The following FAM47E variants were observed in gnomAD, a reference collection of about 807,000 sequenced individuals.
FAM47E encodes family with sequence similarity 47 member E.
In FAM47E, 32 loss-of-function variants were observed where a neutral mutation model predicts 41.6. That is an observed-to-expected ratio of 0.77 (90% confidence interval 0.58 to 1.03). FAM47E has a LOEUF of 1.03. FAM47E is among the 50% of genes least tolerant of loss of function. The pLI is 0.00. For missense variants in FAM47E, 424 were observed against 485.4 expected (o/e 0.87, Z 1.19); for synonymous variants, 184 against 188.7 (o/e 0.98, Z 0.20).
chr4:76,263,191 T>A (rs1734491328), intron 2 of FAM47E, among the ~76,000 whole-genome samples: 1 of 152,222 alleles, frequency 6.6e-6, no homozygotes, highest in Non-Finnish European at 1.5e-5. Flanking sequence ...TTTATACATA[T>A]CACTTTTTGA....
At chr4:76,278,002 T>A in intron 5 of FAM47E, 67 bp from the exon 6 acceptor site, 1 of 1,412,806 alleles carries the variant, frequency 7.1e-7, no homozygotes, top group Non-Finnish European at 9.2e-7. Context: ...TAAGCTAAGC[T>A]TTAGATTTTT....
At chr4:76,261,796 C>G (rs1734429131) in intron 2 of FAM47E, among the ~76,000 whole-genome samples, 2 of 151,868 alleles carry the variant, frequency 1.3e-5, no homozygotes, top group African/African-American at 2.4e-5. Flanking sequence ...TGTAACACAC[C>G]TGCACATGTA....
intron 2 of FAM47E, among the ~76,000 whole-genome samples, chr4:76,259,863 A>T (rs1200539770): frequency 6.6e-6 from 1 of 151,554 alleles, no homozygotes; most frequent in African/African-American, 2.4e-5. Flanking sequence ...GACTTCAGTA[A>T]AGTTTCAGAA....
intron 3 of FAM47E, among the ~76,000 whole-genome samples, chr4:76,266,726 T>C (rs112911371): frequency 0.012 from 1,756 of 152,310 alleles, 26 homozygotes; most frequent in African/African-American, 0.04. Flanking sequence ...AAATCCAAAG[T>C]CCTTACAACT....
At position 76,283,368 on chromosome 4, in the gene FAM47E, C is replaced by CA. The variant is rs1735441034; in HGVS notation, c.1105-12dup. The CA allele has an allele frequency of 6.6e-7, 1 of 1,505,384 alleles. No homozygotes were observed. Among genetic ancestry groups the CA allele is most frequent in the Non-Finnish European group, 9.0e-7 (1 of 1,105,882 alleles). 93.3% of individuals were successfully genotyped at this position (1,505,384 alleles called of 1,614,324 possible). On this transcript the variant is annotated splice_polypyrimidine_tract_variant and intron_variant, in intron 7 of 7. Coordinates refer to ENST00000424749, the MANE Select transcript of FAM47E (RefSeq NM_001136570.3). ...TTTGCCAATCTAATGAAGGTTCTCT[C>CA]ATTTTTTTTTAGTTCCTTGAGAATA...
chr4:76,245,766 G>C (rs1181224685), intron 2 of FAM47E, among the ~76,000 whole-genome samples: 21 of 151,880 alleles, frequency 1.4e-4, no homozygotes, highest in Admixed American at 1.4e-3. Flanking sequence ...AAAGAGTGGA[G>C]GTACAGATCT....
intron 1 of FAM47E, among the ~76,000 whole-genome samples, chr4:76,255,154 A>G (rs1560741786): frequency 6.6e-6 from 1 of 152,108 alleles, no homozygotes; most frequent in African/African-American, 2.4e-5. Context: ...ATTTTTATTT[A>G]TCATAAACTC....
chr4:76,225,830 A>ATAT (rs1733387778), intron 2 of FAM47E, among the ~76,000 whole-genome samples: 1 of 152,020 alleles, frequency 6.6e-6, no homozygotes, highest in Admixed American at 6.6e-5. Context: ...TTCATCAGGG[A>ATAT]TATTAGTCTG....
At chr4:76,248,153 A>C (rs1011550319), upstream of FAM47E, among the ~76,000 whole-genome samples, 2 of 151,890 alleles carry the variant, frequency 1.3e-5, no homozygotes, top group Non-Finnish European at 2.9e-5. Context: ...TGACATCGTG[A>C]TCCGCCCATC....
chr4:76,231,121 T>C lies in FAM47E; in HGVS notation c.81+13433T>C, dbSNP rs192427439. 7.4e-3 allele frequency among the ~76,000 whole-genome samples: 1,125 copies of C among 152,280 alleles called. 7 individuals are homozygous for C. Among genetic ancestry groups the C allele is most frequent in the Middle Eastern group, 0.02 (6 of 294 alleles). On this transcript the variant is annotated intron_variant, in intron 2 of 7. Coordinates refer to the FAM47E transcript ENST00000510197. ...ACCGTAGAACTGAGTCCTCCTCCAA[T>C]AAGGGAGAGGAAAGGATGTCTTGTG... is the stretch of plus-strand genomic sequence containing the variant.
At chr4:76,270,267 A>G (rs943671759) in intron 4 of FAM47E, among the ~76,000 whole-genome samples, 1 of 152,232 alleles carries the variant, frequency 6.6e-6, no homozygotes, top group African/African-American at 2.4e-5. Flanking sequence ...CGAGCAACCT[A>G]AGTGTGAAGA....
chr4:76,219,592 G>A (rs1560726543), intron 2 of FAM47E, among the ~76,000 whole-genome samples: 1 of 152,180 alleles, frequency 6.6e-6, no homozygotes, highest in Non-Finnish European at 1.5e-5. Context: ...AGAAAGCCAG[G>A]TTTACTCAGC....
rs1220785188 is a variant in FAM47E, at chr4:76,257,511, AG to A, written c.420+990del. 5.3e-5 allele frequency among the ~76,000 whole-genome samples: 8 copies of A among 152,058 alleles called. No homozygotes were observed. In the East Asian group the frequency reaches 5.8e-4, roughly 11 times the overall value. On this transcript the variant is annotated intron_variant, in intron 2 of 7. Transcript: ENST00000424749. ...GCCAGAGTTCTTGCTGGGATCTGAA[AG>A]GCCTTGGCATTCTGCTCTCCACAGT...
intron 2 of FAM47E, among the ~76,000 whole-genome samples, chr4:76,240,507 A>G (rs933663080): frequency 6.6e-6 from 1 of 152,160 alleles, no homozygotes; most frequent in African/African-American, 2.4e-5. Context: ...CTTGTCCTCA[A>G]GGACTCCCCA....
At chr4:76,249,118 C>T (rs1733895306), upstream of FAM47E, among the ~76,000 whole-genome samples, 1 of 152,066 alleles carries the variant, frequency 6.6e-6, no homozygotes, top group Non-Finnish European at 1.5e-5. Flanking sequence ...ATCCTAGCTA[C>T]TCGGGAAGCT....
chr4:76,268,754 G>A lies in FAM47E; in HGVS notation c.655G>A (p.Gly219Ser). 1 of 1,551,408 alleles carries A rather than the reference G, an allele frequency of 6.4e-7. No individual in the cohort carries two copies. Among genetic ancestry groups the A allele is most frequent in the Non-Finnish European group, 8.7e-7 (1 of 1,146,902 alleles). ...GCTCCATGAAAATGGTCCTCGTCCT[G>A]GTCTTCATGAAAATGTATGCAAAGC... Reference protein sequence around the residue: ...DLLHENGPRPGLHENGISDID... With the variant: ...DLLHENGPRPSLHENGISDID... The change falls in exon 4 of 8, where the codon GGT becomes AGT. Residue 219 changes from glycine (G) to serine (S), a missense_variant. Gly to Ser is a moderately conservative substitution (Grantham distance 56). Transcript: ENST00000424749.
At chr4:76,260,188 T>C (rs1734349530) in intron 2 of FAM47E, among the ~76,000 whole-genome samples, 1 of 152,194 alleles carries the variant, frequency 6.6e-6, no homozygotes, top group African/African-American at 2.4e-5. Context: ...ACCAACATAA[T>C]TTTTCAAATA....
chr4:76,218,870 G>A (rs959315214), intron 2 of FAM47E, among the ~76,000 whole-genome samples: 1 of 152,172 alleles, frequency 6.6e-6, no homozygotes, highest in Admixed American at 6.5e-5. Context: ...TCTGCTACTT[G>A]TACATAGTAC....
chr4:76,267,041 A>G (rs906408097), intron 3 of FAM47E, among the ~76,000 whole-genome samples: 1 of 152,050 alleles, frequency 6.6e-6, no homozygotes, highest in Non-Finnish European at 1.5e-5. Context: ...GTCCTATTTT[A>G]CTTTCTCTAT....
Sources: gnomAD v4.1 joint callset for allele counts (sites outside exome capture counted in the v4.1 genomes callset) on GRCh38, gnomAD v4.1.1 for gene constraint, MANE v1.5 for transcripts, NCBI Gene and HGNC (gene_info 2026-07-23, HGNC 2026-07-21) for gene names.